Variants in NBEA observed in about 807,000 individuals in gnomAD.
The protein encoded by NBEA is lysosomal-trafficking regulator 2.
A neutral mutation model predicts 343.4 loss-of-function variants in NBEA; 44 were observed. The observed-to-expected ratio is 0.13, with a 90% confidence interval of 0.10 to 0.16. The LOEUF (loss-of-function observed/expected upper bound fraction) is 0.16, where lower values mean the gene tolerates loss of function less well. NBEA is among the 10% of genes least tolerant of loss of function. NBEA has a pLI of 1.00. For missense variants in NBEA, 2,555 were observed against 3,631.3 expected (o/e 0.70, Z 7.62); for synonymous variants, 1,175 against 1,238.7 (o/e 0.95, Z 1.08).
At chr13:35,553,891 G>C (rs998009345) in intron 43 of NBEA, among the ~76,000 whole-genome samples, 6 of 152,266 alleles carry the variant, frequency 3.9e-5, no homozygotes, top group Middle Eastern at 6.8e-3. Context: ...AGAATGATTA[G>C]ATAGGGCTGC....
At chr13:35,603,389 C>A (rs1891718) in intron 47 of NBEA, among the ~76,000 whole-genome samples, 143,518 of 152,242 alleles carry the variant, frequency 0.94, 68,241 homozygotes, top group East Asian at 1. Context: ...GCATTTTCCC[C>A]AATTTTATTC....
At chr13:35,438,942 G>T (rs1020271215) in intron 39 of NBEA, among the ~76,000 whole-genome samples, 2 of 152,180 alleles carry the variant, frequency 1.3e-5, no homozygotes, top group Non-Finnish European at 2.9e-5. Flanking sequence ...GGTTCAGATT[G>T]TAGATTTTAA....
At chr13:35,098,871 A>C (rs2065472443) in intron 11 of NBEA, among the ~76,000 whole-genome samples, 1 of 151,950 alleles carries the variant, frequency 6.6e-6, no homozygotes, top group Non-Finnish European at 1.5e-5. Context: ...CAGCTTTTTC[A>C]TGCTGTATAC....
intron 1 of NBEA, among the ~76,000 whole-genome samples, chr13:35,012,584 G>A (rs1034180647): frequency 3.3e-5 from 5 of 152,330 alleles, no homozygotes; most frequent in Admixed American, 3.3e-4. Context: ...AAAGTTCCAT[G>A]CCAAATTATG....
At chr13:35,226,222 T>C (rs139182366) in intron 33 of NBEA, among the ~76,000 whole-genome samples, 10 of 152,192 alleles carry the variant, frequency 6.6e-5, no homozygotes, top group African/African-American at 1.9e-4. Context: ...GTGTCCTCAA[T>C]TGGGTCAAAG....
At chr13:35,569,501 G>A (rs1337613293) in intron 45 of NBEA, among the ~76,000 whole-genome samples, 2 of 152,086 alleles carry the variant, frequency 1.3e-5, no homozygotes, top group African/African-American at 2.4e-5. Context: ...AATCAACTGG[G>A]ATGTTGTGTT....
chr13:35,394,614 T>C (rs2042657014), intron 38 of NBEA, among the ~76,000 whole-genome samples: 1 of 152,132 alleles, frequency 6.6e-6, no homozygotes, highest in Admixed American at 6.6e-5. Flanking sequence ...ATTCTAGATC[T>C]TGGTATCTCC....
At chr13:35,202,909 A>C (rs376665204) in intron 31 of NBEA, among the ~76,000 whole-genome samples, 1 of 152,064 alleles carries the variant, frequency 6.6e-6, no homozygotes, top group African/African-American at 2.4e-5. Context: ...ATAATCCTTG[A>C]CTTTACTCTC....
At chr13:35,160,114 C>A in intron 22 of NBEA, 82 bp downstream of exon 22, 1 of 1,227,206 alleles carries the variant, frequency 8.1e-7, no homozygotes, top group African/African-American at 1.5e-5. Flanking sequence ...AATTTCTTAT[C>A]AGTTACTTCA....
At chr13:35,272,350 A>C (rs2034229153) in intron 34 of NBEA, among the ~76,000 whole-genome samples, 1 of 152,206 alleles carries the variant, frequency 6.6e-6, no homozygotes, top group South Asian at 2.1e-4. Context: ...GAGCTCCTGA[A>C]AGAAGCACTA....
chr13:34,981,002 T>C (rs899282665), intron 1 of NBEA, among the ~76,000 whole-genome samples: 1 of 152,196 alleles, frequency 6.6e-6, no homozygotes, highest in African/African-American at 2.4e-5. Flanking sequence ...TTTACAGTTA[T>C]TTAACTGTAA....
chr13:35,665,624 G>A (rs2085314493), intron 56 of NBEA, among the ~76,000 whole-genome samples: 1 of 151,998 alleles, frequency 6.6e-6, no homozygotes, highest in South Asian at 2.1e-4. Context: ...TTGGTTCTTT[G>A]GAGGTTTTGT....
intron 38 of NBEA, among the ~76,000 whole-genome samples, chr13:35,379,368 T>C (rs941482364): frequency 6.6e-6 from 1 of 152,212 alleles, no homozygotes; most frequent in African/African-American, 2.4e-5. Flanking sequence ...CAAATGTTTA[T>C]ATAAGCCTTT....
intron 36 of NBEA, among the ~76,000 whole-genome samples, chr13:35,337,840 T>G (rs187626678): frequency 1.4e-3 from 211 of 152,070 alleles, no homozygotes; most frequent in African/African-American, 5.0e-3. Context: ...GATTCACAAA[T>G]GTGTGGAAGT....
chr13:35,009,516 C>T (rs923754674), intron 1 of NBEA, among the ~76,000 whole-genome samples: 4 of 152,164 alleles, frequency 2.6e-5, no homozygotes, highest in Non-Finnish European at 5.9e-5. Flanking sequence ...AGCTGTCCCA[C>T]TGTCCAAGCA....
intron 5 of NBEA, 103 bp downstream of exon 5, chr13:35,048,787 GTA>G: frequency 1.6e-6 from 1 of 628,220 alleles, no homozygotes; most frequent in Non-Finnish European, 2.6e-6. Flanking sequence ...ATATATGTGC[GTA>G]TAATATATGC....
intron 38 of NBEA, among the ~76,000 whole-genome samples, chr13:35,400,912 C>T (rs570723919): frequency 6.6e-6 from 1 of 151,664 alleles, no homozygotes; most frequent in African/African-American, 2.4e-5. Context: ...GGCTGTACTC[C>T]GAGGTTAAGT....
At position 35,309,636 on chromosome 13, in the gene NBEA, TA is replaced by T. The variant is rs1469552619; in HGVS notation, c.5903+45del. The stretch of plus-strand genomic sequence containing the variant: ...TTAGACAACTAGTCAGTGTACATTT[TA>T]TTCCACTGGGCAATTGCTCTTTCCT... On this transcript the variant is annotated intron_variant, in intron 36 of 58. Transcript: ENST00000379939. The T allele has an allele frequency of 3.5e-6, 4 of 1,127,862 alleles. No homozygotes were observed. In the South Asian group the frequency reaches 6.1e-5, roughly 17 times the overall value. 69.9% of individuals were successfully genotyped at this position (1,127,862 alleles called of 1,614,324 possible). A position where few individuals can be genotyped will look rare whatever the true frequency, so the allele number is the denominator to read the frequency against.
At position 35,176,986 on chromosome 13, in the gene NBEA, A is replaced by AT. The variant is rs750306180; in HGVS notation, c.4555-6dup. On this transcript the variant is annotated splice_polypyrimidine_tract_variant and intron_variant, in intron 27 of 58. Coordinates refer to ENST00000379939, the MANE Select transcript of NBEA (RefSeq NM_001385012.1). ...ATATTATCTATTCACAATTCTTTTTATTTTCAAAGACTCCATTGGAAAATG... is the reference window on the plus strand; with the variant it reads ...ATATTATCTATTCACAATTCTTTTTATTTTTCAAAGACTCCATTGGAAAATG... The AT allele has an allele frequency of 2.0e-6, 3 of 1,520,614 alleles. No individual in the cohort carries two copies. In the East Asian group the frequency reaches 7.1e-5, roughly 36 times the overall value. The allele number at this position is 1,520,614 out of a possible 1,614,324, so 94.2% of individuals were successfully genotyped here.
Sources: gnomAD v4.1 joint callset for allele counts (sites outside exome capture counted in the v4.1 genomes callset) on GRCh38, gnomAD v4.1.1 for gene constraint, MANE v1.5 for transcripts, NCBI Gene and HGNC (gene_info 2026-07-23, HGNC 2026-07-21) for gene names.